Variants in PTPRD observed in about 807,000 individuals in gnomAD.
The protein encoded by PTPRD is receptor-type tyrosine-protein phosphatase delta.
A neutral mutation model predicts 214.5 loss-of-function variants in PTPRD; 34 were observed. The ratio of observed to expected loss-of-function variants is 0.16; its 90% CI spans 0.12 to 0.21. The LOEUF (loss-of-function observed/expected upper bound fraction) is 0.21, where lower values mean the gene tolerates loss of function less well. Ranked by LOEUF, PTPRD falls within the 10% of genes least tolerant of loss-of-function variation. The probability of loss-of-function intolerance (pLI) is 1.00; values close to 1 mark genes in which losing one functional copy is unlikely to be tolerated. For synonymous variants in PTPRD, 1,128 were observed against 845.7 expected (o/e 1.33, Z -5.79); for missense variants, 2,545 against 2,398.7 (o/e 1.06, Z -1.27).
At chr9:10,122,712 T>C (rs2098785855) in intron 3 of PTPRD, among the ~76,000 whole-genome samples, 1 of 152,186 alleles carries the variant, frequency 6.6e-6, no homozygotes, top group African/African-American at 2.4e-5. Flanking sequence ...CTAGTTTGCA[T>C]ATAGATATTA....
chr9:9,807,712 C>G (rs765328884), intron 5 of PTPRD, among the ~76,000 whole-genome samples: 5 of 152,158 alleles, frequency 3.3e-5, no homozygotes, highest in African/African-American at 4.8e-5. Flanking sequence ...GTGGTATTTT[C>G]ATTTACAAAA....
chr9:9,156,858 A>G (rs1419743619), intron 10 of PTPRD, among the ~76,000 whole-genome samples: 1 of 152,160 alleles, frequency 6.6e-6, no homozygotes, highest in Non-Finnish European at 1.5e-5. Flanking sequence ...TTCTATTCCT[A>G]TTCCACTGGT....
intron 3 of PTPRD, among the ~76,000 whole-genome samples, chr9:10,208,243 G>A (rs1225065524): frequency 6.6e-6 from 1 of 152,182 alleles, no homozygotes; most frequent in African/African-American, 2.4e-5. Context: ...GGCGGGGCGC[G>A]GTGGCTCAGG....
chr9:9,609,453 G>C (rs1027688914), intron 7 of PTPRD, among the ~76,000 whole-genome samples: 1 of 152,106 alleles, frequency 6.6e-6, no homozygotes, highest in African/African-American at 2.4e-5. Context: ...CAATGTGAAG[G>C]TGTTTTTTGT....
At chr9:10,387,681 A>G (rs1189884890) in intron 2 of PTPRD, among the ~76,000 whole-genome samples, 1 of 151,750 alleles carries the variant, frequency 6.6e-6, no homozygotes. Flanking sequence ...AACTTGGTAC[A>G]TGACAAATGA....
chr9:9,646,273 T>C (rs1019235693), intron 7 of PTPRD, among the ~76,000 whole-genome samples: 1 of 151,620 alleles, frequency 6.6e-6, no homozygotes, highest in African/African-American at 2.4e-5. Flanking sequence ...TGTTAGTCTA[T>C]AGAATTGTAG....
intron 7 of PTPRD, among the ~76,000 whole-genome samples, chr9:9,680,065 T>C (rs1231911103): frequency 6.6e-6 from 1 of 151,914 alleles, no homozygotes; most frequent in Admixed American, 6.6e-5. Flanking sequence ...ATAAATATGG[T>C]ATCAGGGAAA....
intron 5 of PTPRD, among the ~76,000 whole-genome samples, chr9:9,918,668 G>A (rs1023620247): frequency 2.0e-5 from 3 of 152,082 alleles, no homozygotes; most frequent in Non-Finnish European, 4.4e-5. Flanking sequence ...CAAAGCTGTA[G>A]TAACTGTAAA....
At chr9:9,913,512 T>C (rs756410858) in intron 5 of PTPRD, among the ~76,000 whole-genome samples, 1 of 152,124 alleles carries the variant, frequency 6.6e-6, no homozygotes, top group African/African-American at 2.4e-5. Flanking sequence ...AAGATTGGAC[T>C]GGAGTGTCGA....
intron 5 of PTPRD, among the ~76,000 whole-genome samples, chr9:9,923,757 T>G (rs1470298001): frequency 6.6e-6 from 1 of 151,918 alleles, no homozygotes; most frequent in Admixed American, 6.6e-5. Context: ...GAAGTACACA[T>G]CTAAAATGTA....
intron 3 of PTPRD, among the ~76,000 whole-genome samples, chr9:10,317,928 C>T (rs930786133): frequency 6.6e-6 from 1 of 151,966 alleles, no homozygotes; most frequent in Admixed American, 6.6e-5. Context: ...CTCTAATTTT[C>T]ACAATAGATA....
chr9:9,350,114 A>G (rs1223018985), intron 9 of PTPRD, among the ~76,000 whole-genome samples: 2 of 152,054 alleles, frequency 1.3e-5, no homozygotes, highest in Admixed American at 6.6e-5. Flanking sequence ...CTGATGTAGA[A>G]CACCCAAGTC....
chr9:10,336,823 A>G (rs1414805416), intron 3 of PTPRD, among the ~76,000 whole-genome samples: 6 of 151,692 alleles, frequency 4.0e-5, no homozygotes, highest in Non-Finnish European at 7.4e-5. Context: ...GGAAAATACT[A>G]CTAGAACTAG....
chr9:9,932,041 A>C (rs1440853498), intron 5 of PTPRD, among the ~76,000 whole-genome samples: 3 of 151,734 alleles, frequency 2.0e-5, no homozygotes, highest in Non-Finnish European at 4.4e-5. Flanking sequence ...GAAAACTAAC[A>C]AACAGAAAGG....
chr9:10,411,329 T>A (rs1469443989), intron 2 of PTPRD, among the ~76,000 whole-genome samples: 1 of 151,776 alleles, frequency 6.6e-6, no homozygotes, highest in Admixed American at 6.6e-5. Flanking sequence ...GAATTATAAC[T>A]TGTAGTTGAC....
chr9:10,217,676 C>A (rs534544117), intron 3 of PTPRD, among the ~76,000 whole-genome samples: 2 of 151,972 alleles, frequency 1.3e-5, no homozygotes, highest in East Asian at 3.9e-4. Context: ...AGCTCCTTGT[C>A]AGAGTAAGGT....
intron 3 of PTPRD, among the ~76,000 whole-genome samples, chr9:10,227,730 G>C (rs1022322027): frequency 6.6e-6 from 1 of 151,912 alleles, no homozygotes. Context: ...TTGCTTGTTT[G>C]TTTTGTATCA....
At chr9:10,016,750 G>C (rs1047952504) in intron 4 of PTPRD, among the ~76,000 whole-genome samples, 1 of 150,568 alleles carries the variant, frequency 6.6e-6, no homozygotes, top group Non-Finnish European at 1.5e-5. Context: ...CTGCATCCTC[G>C]ATCTCTTGGG....
At chr9:8,457,226 AG>A (rs1371574980) in intron 33 of PTPRD, among the ~76,000 whole-genome samples, 2 of 152,148 alleles carry the variant, frequency 1.3e-5, no homozygotes, top group African/African-American at 4.8e-5. Context: ...GCAACCAGCT[AG>A]TCACAGAACT....
Sources: gnomAD v4.1 joint callset for allele counts (sites outside exome capture counted in the v4.1 genomes callset) on GRCh38, gnomAD v4.1.1 for gene constraint, MANE v1.5 for transcripts, NCBI Gene and HGNC (gene_info 2026-07-23, HGNC 2026-07-21) for gene names.